The following PKIA variants were observed in gnomAD, a reference collection of about 807,000 sequenced individuals.
The protein encoded by PKIA is cAMP-dependent protein kinase inhibitor alpha.
PKIA carries 4 observed loss-of-function variants against 7.6 expected under a neutral mutation model. The observed-to-expected ratio is 0.52, with a 90% CI of 0.26 to 1.20. The LOEUF is 1.20. Ranked by LOEUF, PKIA falls within the 50% of genes most tolerant of loss-of-function variation. The pLI, the probability that PKIA is intolerant of heterozygous loss-of-function variation, is 0.13. For missense variants in PKIA, 73 were observed against 86.2 expected (o/e 0.85, Z 0.61); for synonymous variants, 21 against 30.7 (o/e 0.68, Z 1.04).
chr8:78,542,200 T>C (rs112346797), intron 1 of PKIA, among the ~76,000 whole-genome samples: 1 of 152,130 alleles, frequency 6.6e-6, no homozygotes, highest in African/African-American at 2.4e-5. Flanking sequence ...ACTCCTTGTA[T>C]TTATGCCACT....
intron 2 of PKIA, among the ~76,000 whole-genome samples, chr8:78,582,449 C>T (rs980275659): frequency 6.6e-6 from 1 of 152,068 alleles, no homozygotes; most frequent in South Asian, 2.1e-4. Flanking sequence ...CTCACTATCA[C>T]GAGAACAGCA....
chr8:78,561,275 A>G (rs563724947), intron 1 of PKIA, among the ~76,000 whole-genome samples: 1 of 152,294 alleles, frequency 6.6e-6, no homozygotes, highest in South Asian at 2.1e-4. Context: ...CACTCTACAT[A>G]TACCAGGATA....
At chr8:78,565,444 G>A (rs866096522) in intron 1 of PKIA, among the ~76,000 whole-genome samples, 1 of 151,922 alleles carries the variant, frequency 6.6e-6, no homozygotes, top group Admixed American at 6.6e-5. Context: ...TTGGTCTTCT[G>A]TTATAAGGAT....
intron 2 of PKIA, among the ~76,000 whole-genome samples, chr8:78,597,994 A>G (rs1808264164): frequency 6.6e-6 from 1 of 151,548 alleles, no homozygotes; most frequent in Non-Finnish European, 1.5e-5. Flanking sequence ...TATAAGTGGT[A>G]GCTAAAAACT....
chr8:78,569,108 CA>C (rs1457163274), intron 1 of PKIA, among the ~76,000 whole-genome samples: 11 of 152,274 alleles, frequency 7.2e-5, no homozygotes, highest in Middle Eastern at 6.8e-3. Flanking sequence ...TTGCCATCAG[CA>C]ACAGGATGTT....
At chr8:78,578,052 CT>C (rs1346345864) in intron 2 of PKIA, among the ~76,000 whole-genome samples, 1 of 151,834 alleles carries the variant, frequency 6.6e-6, no homozygotes, top group Non-Finnish European at 1.5e-5. Context: ...TGGTAAGCCC[CT>C]TTTTAGTCAT....
At chr8:78,574,099 A>G (rs1428377235) in intron 2 of PKIA, among the ~76,000 whole-genome samples, 1 of 152,034 alleles carries the variant, frequency 6.6e-6, no homozygotes, top group Non-Finnish European at 1.5e-5. Flanking sequence ...TTTCTTAACT[A>G]TATTACTTGC....
chr8:78,520,619 T>G (rs1380724209), intron 1 of PKIA, among the ~76,000 whole-genome samples: 12 of 152,154 alleles, frequency 7.9e-5, no homozygotes, highest in Admixed American at 7.9e-4. Flanking sequence ...TGTAAAAACA[T>G]AAAGTCAGAG....
intron 2 of PKIA, among the ~76,000 whole-genome samples, chr8:78,579,323 A>G (rs1380353889): frequency 6.6e-6 from 1 of 151,922 alleles, no homozygotes; most frequent in Non-Finnish European, 1.5e-5. Context: ...CCTGTCCAAA[A>G]CCCTGGCTCC....
chr8:78,584,872 A>G lies in PKIA; in HGVS notation c.-28+11933A>G, dbSNP rs148164888. ...CAGTTCACAGAGACCTCTTCCTCAG[A>G]TGGATTGGTTTTTATTTGTTAAGAT... On this transcript the variant is annotated intron_variant, in intron 2 of 3. Transcript: ENST00000396418. Among the ~76,000 whole-genome samples the G allele has an allele frequency of 1.7e-4, 26 of 152,136 alleles. 1 individual carries two copies. The East Asian group carries it at 5.0e-3, about 29-fold the overall frequency.
chr8:78,560,404 C>T (rs866613539), intron 1 of PKIA, among the ~76,000 whole-genome samples: 1 of 152,186 alleles, frequency 6.6e-6, no homozygotes, highest in Admixed American at 6.5e-5. Flanking sequence ...TTTCTATTCA[C>T]ACCTTGAATC....
At chr8:78,552,900 T>C (rs1319655708) in intron 1 of PKIA, among the ~76,000 whole-genome samples, 1 of 151,912 alleles carries the variant, frequency 6.6e-6, no homozygotes, top group African/African-American at 2.4e-5. Context: ...TTCAACATTG[T>C]AGAGATACAT....
rs928849873 is a variant in PKIA, at chr8:78,601,950, A to G, written c.*129A>G. On this transcript the variant is annotated 3_prime_UTR_variant, in exon 4 of 4. Transcript: ENST00000396418. The stretch of plus-strand genomic sequence containing the variant: ...TGTGCTGCATTGCAGGAACCTGCTC[A>G]TTATCATGTTAAAAATGAGGGCAGA... The G allele has an allele frequency of 1.0e-5, 7 of 689,606 alleles. No homozygotes were observed. The highest frequency in any genetic ancestry group is 2.5e-4 in the Middle Eastern group (1 of 4,060). The allele number at this position is 689,606 out of a possible 1,614,324, so 42.7% of individuals were successfully genotyped here.
chr8:78,527,306 T>G (rs1338217357), intron 1 of PKIA, among the ~76,000 whole-genome samples: 2 of 152,082 alleles, frequency 1.3e-5, no homozygotes, highest in Non-Finnish European at 2.9e-5. Flanking sequence ...AATACCTGCT[T>G]TAAACATGTA....
At chr8:78,538,270 C>T (rs928466213) in intron 1 of PKIA, among the ~76,000 whole-genome samples, 1 of 152,074 alleles carries the variant, frequency 6.6e-6, no homozygotes, top group Admixed American at 6.6e-5. Context: ...TATTCATAAA[C>T]ATTGAATAAA....
intron 1 of PKIA, among the ~76,000 whole-genome samples, chr8:78,522,356 T>C (rs945680181): frequency 6.6e-6 from 1 of 151,960 alleles, no homozygotes; most frequent in Non-Finnish European, 1.5e-5. Context: ...TCAGTACTTT[T>C]ACTTTTGATC....
rs551180835 is a variant in PKIA, at chr8:78,602,225, C to T, written c.*404C>T. ...CCCCAGAGTTTAAATATCTCTGGCT[C>T]AAGTGTTCACCCAGTAAAAGAAAGA... On this transcript the variant is annotated 3_prime_UTR_variant, in exon 4 of 4. Transcript: ENST00000396418. 4.2e-4 allele frequency: 80 copies of T among 190,382 alleles called. No homozygotes were observed. Among genetic ancestry groups the T allele is most frequent in the Non-Finnish European group, 7.6e-4 (71 of 93,028 alleles). The allele number at this position is 190,382 out of a possible 1,614,324, so 11.8% of individuals were successfully genotyped here.
chr8:78,569,224 A>C (rs1807492645), intron 1 of PKIA, among the ~76,000 whole-genome samples: 1 of 152,146 alleles, frequency 6.6e-6, no homozygotes, highest in Non-Finnish European at 1.5e-5. Flanking sequence ...ATAGGATAGA[A>C]TTAAGGTAGT....
intron 1 of PKIA, among the ~76,000 whole-genome samples, chr8:78,555,596 T>C (rs1161329847): frequency 6.6e-6 from 1 of 152,000 alleles, no homozygotes; most frequent in Non-Finnish European, 1.5e-5. Context: ...TGTAGGTCTA[T>C]TGAAGAGAAC....
Sources: gnomAD v4.1 joint callset for allele counts (sites outside exome capture counted in the v4.1 genomes callset) on GRCh38, gnomAD v4.1.1 for gene constraint, MANE v1.5 for transcripts, NCBI Gene and HGNC (gene_info 2026-07-23, HGNC 2026-07-21) for gene names.